The following CUBN variants were observed in gnomAD, a reference collection of about 807,000 sequenced individuals.
The protein encoded by CUBN is cubilin.
In CUBN, 282 loss-of-function variants were observed where a neutral mutation model predicts 405.3. The ratio of observed to expected loss-of-function variants is 0.70; its 90% CI spans 0.63 to 0.77. The LOEUF (loss-of-function observed/expected upper bound fraction) is 0.77, where lower values mean the gene tolerates loss of function less well. Among genes scored for constraint, CUBN ranks in the 30% least tolerant of loss-of-function variants. The pLI is 0.00. For missense variants in CUBN, 4,514 were observed against 4,475.2 expected (o/e 1.01, Z -0.25); for synonymous variants, 1,684 against 1,617.0 (o/e 1.04, Z -0.99).
At chr10:17,084,628 G>C (rs944838178) in intron 16 of CUBN, among the ~76,000 whole-genome samples, 167 bp from the exon 17 acceptor site, 3 of 152,148 alleles carry the variant, frequency 2.0e-5, no homozygotes, top group African/African-American at 4.8e-5. Context: ...TTTTCAGTTT[G>C]ATGTGTTGTG....
At chr10:17,000,678 C>T (rs944830503) in intron 28 of CUBN, among the ~76,000 whole-genome samples, 6 of 152,212 alleles carry the variant, frequency 3.9e-5, no homozygotes, top group Non-Finnish European at 5.9e-5. Context: ...TGCTTTCAGG[C>T]ACCATCGTGC....
chr10:17,123,635 G>C lies in CUBN; in HGVS notation c.442C>G (p.Leu148Val). ...SNPCQNGGTC[L>V]NLHDSFFCIC... ...CAAAAAAAGGAATCATGCAGATTGAGGCAGGTTCCACCATTCTGGCAAGGA... is the reference window on the plus strand; with the variant it reads ...CAAAAAAAGGAATCATGCAGATTGACGCAGGTTCCACCATTCTGGCAAGGA... The change falls in exon 5 of 67, where the codon CTC becomes GTC. Residue 148 changes from leucine (L) to valine (V), a missense_variant. This residue lies in a region of CUBN where 1,448 missense variants were observed against 1,388.0 expected (regional missense o/e 1.04). Coordinates refer to ENST00000377833, the MANE Select transcript of CUBN (RefSeq NM_001081.4). The C allele has an allele frequency of 6.2e-7, 1 of 1,614,086 alleles. No individual in the cohort carries two copies. The highest frequency in any genetic ancestry group is 1.6e-4 in the Middle Eastern group (1 of 6,062).
chr10:17,041,197 T>C lies in CUBN; in HGVS notation c.3853A>G (p.Asn1285Asp), dbSNP rs1427708865. ...RQTCENVVIV[N>D]QTYGILESIG... ...CTCTCTAAGATGCCATAGGTTTGAT[T>C]GACTATTACCACATTCTCACATGCT... The change falls in exon 27 of 67, where the codon AAT becomes GAT. Residue 1285 changes from asparagine (N) to aspartate (D), a missense_variant. By Grantham distance (23) the Asn-to-Asp change is conservative (BLOSUM62 1). Around this residue, in one of 5 missense-constraint regions of CUBN, gnomAD observed 242 missense variants for 309.0 expected, o/e 0.78. Transcript: ENST00000377833. 6.2e-7 allele frequency: 1 copy of C among 1,613,680 alleles called. No homozygotes were observed.
intron 28 of CUBN, among the ~76,000 whole-genome samples, chr10:17,001,676 C>G (rs1044622333): frequency 9.2e-5 from 14 of 152,152 alleles, no homozygotes; most frequent in African/African-American, 3.4e-4. Context: ...GTCAATTAAA[C>G]CAATGCACTA....
intron 36 of CUBN, among the ~76,000 whole-genome samples, chr10:16,943,091 A>AC (rs547027731): frequency 8.0e-4 from 122 of 152,336 alleles, no homozygotes; most frequent in African/African-American, 2.5e-3. Flanking sequence ...CTCAAGCCCT[A>AC]CCACTAATCA....
At position 16,851,393 on chromosome 10, in the gene CUBN, C is replaced by G. The variant is rs904157336; in HGVS notation, c.9505G>C (p.Ala3169Pro). The G allele has an allele frequency of 1.9e-6, 3 of 1,614,042 alleles. No homozygotes were observed. The highest frequency in any genetic ancestry group is 2.5e-6 in the Non-Finnish European group (3 of 1,180,008). The change falls in exon 60 of 67, where the codon GCC becomes CCC. Residue 3169 changes from alanine (A) to proline (P), a missense_variant. This residue lies in a region of CUBN where 1,186 missense variants were observed against 1,186.9 expected (regional missense o/e 1.00). Coordinates refer to ENST00000377833, the MANE Select transcript of CUBN (RefSeq NM_001081.4). ...GYLTGSNNTF[A>P]SPDSDSNGMY... ...CCATTCGAATCAGAATCAGGAGAGG[C>G]AAAGGTATTATTCGAGCCTGTCAGA... is the stretch of plus-strand genomic sequence containing the variant.
chr10:17,055,549 A>C (rs1006885259), intron 22 of CUBN, among the ~76,000 whole-genome samples: 2 of 152,130 alleles, frequency 1.3e-5, no homozygotes, highest in African/African-American at 4.8e-5. Context: ...ATTAGAACTA[A>C]TAACTGAGTT....
chr10:16,877,298 A>G (rs772957569), intron 56 of CUBN, among the ~76,000 whole-genome samples: 2 of 152,254 alleles, frequency 1.3e-5, no homozygotes, highest in Non-Finnish European at 2.9e-5. Context: ...TAAAACAGGT[A>G]GGACTTCACA....
Position 16,851,413 on chromosome 10 carries a change from G to T in CUBN, c.9485C>A (p.Thr3162Lys), listed in dbSNP as rs1564385382. The change falls in exon 60 of 67, where the codon ACA (threonine) becomes AAA (lysine). Residue 3162 changes from threonine (T) to lysine (K), a missense_variant. By Grantham distance (78) the Thr-to-Lys change is moderately conservative. Around this residue, in one of 5 missense-constraint regions of CUBN, gnomAD observed 1,186 missense variants for 1,186.9 expected, o/e 1.00. Transcript: ENST00000377833. ...AGAGGCAAAGGTATTATTCGAGCCT[G>T]TCAGATAACCACCACATCCTTGCTG... ...GPQQGCGGYL[T>K]GSNNTFASPD... The T allele has an allele frequency of 6.2e-7, 1 of 1,614,130 alleles. No individual in the cohort carries two copies. Among genetic ancestry groups the T allele is most frequent in the Non-Finnish European group, 8.5e-7 (1 of 1,180,006 alleles).
At chr10:17,119,292 C>T (rs1231880006) in intron 6 of CUBN, among the ~76,000 whole-genome samples, 1 of 152,212 alleles carries the variant, frequency 6.6e-6, no homozygotes, top group African/African-American at 2.4e-5. Context: ...CCTTCTAGAT[C>T]TGAGCCCTAA....
At chr10:16,967,991 AAG>A (rs3047254) in intron 31 of CUBN, among the ~76,000 whole-genome samples, 1 of 145,152 alleles carries the variant, frequency 6.9e-6, no homozygotes, top group East Asian at 2.1e-4. Flanking sequence ...GAGAGAGGAA[AAG>A]AGAGAGAGAG....
At chr10:16,848,534 G>A (rs141604300) in intron 60 of CUBN, among the ~76,000 whole-genome samples, 170 of 152,094 alleles carry the variant, frequency 1.1e-3, no homozygotes, top group African/African-American at 3.9e-3. Flanking sequence ...ATGAGGAATC[G>A]GGGAGATTAG....
At chr10:16,947,866 G>GCTC (rs1236554036) in intron 35 of CUBN, among the ~76,000 whole-genome samples, 1 of 152,182 alleles carries the variant, frequency 6.6e-6, no homozygotes, top group Non-Finnish European at 1.5e-5. Context: ...GTCCTGGGTA[G>GCTC]CTCCTCGTTC....
In CUBN at chr10:17,013,371, T is replaced by C. The variant is rs112788797; in HGVS notation, c.4168+6462A>G. 8.9e-3 allele frequency among the ~76,000 whole-genome samples: 1,355 copies of C among 151,666 alleles called. 33 individuals are homozygous for C. The highest frequency in any genetic ancestry group is 0.029 in the African/African-American group (1,194 of 41,112). ...TTCTATCTCTCTGTCTCCTTCTCTT[T>C]CTTTCTCTTTCTCTCTGACTCCCTC... On this transcript the variant is annotated intron_variant, in intron 28 of 66. Transcript: ENST00000377833.
intron 14 of CUBN, among the ~76,000 whole-genome samples, chr10:17,095,343 T>C (rs1836348902): frequency 6.6e-6 from 1 of 152,044 alleles, no homozygotes. Context: ...GTCTGAGTAG[T>C]GATTTTTTTG....
intron 28 of CUBN, among the ~76,000 whole-genome samples, chr10:17,004,889 A>T (rs528225488): frequency 5.3e-5 from 8 of 152,024 alleles, no homozygotes; most frequent in African/African-American, 1.9e-4. Flanking sequence ...CAAACTCCTG[A>T]CCTCATGGTC....
chr10:16,874,351 G>A lies in CUBN; in HGVS notation c.9236+23C>T, dbSNP rs957823064. 2.5e-6 allele frequency: 4 copies of A among 1,613,772 alleles called. No individual in the cohort carries two copies. The African/African-American group carries it at 5.3e-5, about 22-fold the overall frequency. ...AATAATGCTGAAAGGATTTTCTTAA[G>A]AAAGCCAATTTGTCTTACGTACTTG... On this transcript the variant is annotated intron_variant, in intron 58 of 66. Transcript: ENST00000377833.
At chr10:16,927,131 A>G (rs1397600600) in intron 41 of CUBN, among the ~76,000 whole-genome samples, 1 of 152,002 alleles carries the variant, frequency 6.6e-6, no homozygotes, top group African/African-American at 2.4e-5. Flanking sequence ...AAACACACAT[A>G]TTAATTCCAA....
chr10:17,123,546 G>A lies in CUBN; in HGVS notation c.489+42C>T, dbSNP rs41289315. Reference sequence around the variant, plus strand: ...TGATGATTCCAAGGAAACCACAGATGCTGACCTGCCATCATTCTTAACCAA... The same window carrying A: ...TGATGATTCCAAGGAAACCACAGATACTGACCTGCCATCATTCTTAACCAA... On this transcript the variant is annotated intron_variant, in intron 5 of 66. Coordinates refer to ENST00000377833, the MANE Select transcript of CUBN (RefSeq NM_001081.4). The A allele has an allele frequency of 0.097, 136,483 of 1,402,628 alleles. 8,170 individuals carry two copies. The highest frequency in any genetic ancestry group is 0.23 in the South Asian group (19,206 of 84,866). 86.9% of individuals were successfully genotyped at this position (1,402,628 alleles called of 1,614,324 possible). A position where few individuals can be genotyped will look rare whatever the true frequency, so the allele number is the denominator to read the frequency against.
Sources: gnomAD v4.1 joint callset for allele counts (sites outside exome capture counted in the v4.1 genomes callset) on GRCh38, gnomAD v4.1.1 for gene constraint, gnomAD v4.1.1 regional missense constraint, MANE v1.5 for transcripts, NCBI Gene and HGNC (gene_info 2026-07-23, HGNC 2026-07-21) for gene names.